The following NDE1 variants were observed in gnomAD, a reference collection of about 807,000 sequenced individuals.
The protein encoded by NDE1 is nudE neurodevelopment protein 1, also known as nuclear distribution protein nudE homolog 1.
Under a neutral mutation model 43.4 loss-of-function variants are expected in NDE1, and 28 were observed. The ratio of observed to expected loss-of-function variants is 0.65; its 90% CI spans 0.48 to 0.89. The LOEUF (loss-of-function observed/expected upper bound fraction) is 0.89, where lower values mean the gene tolerates loss of function less well. Among genes scored for constraint, NDE1 ranks in the 40% least tolerant of loss-of-function variants. NDE1 has a pLI of 0.00. For missense variants in NDE1, 441 were observed against 434.1 expected (o/e 1.02, Z -0.14); for synonymous variants, 184 against 172.0 (o/e 1.07, Z -0.55).
intron 4 of NDE1, 52 bp from the exon 5 acceptor site, chr16:15,687,323 G>A: frequency 1.2e-6 from 2 of 1,613,290 alleles, no homozygotes; most frequent in South Asian, 1.1e-5. Flanking sequence ...CGCGGTGCTG[G>A]AGGGATGCTG....
At chr16:15,668,248 GCTTA>G (rs957614845) in intron 3 of NDE1, among the ~76,000 whole-genome samples, 1 of 152,140 alleles carries the variant, frequency 6.6e-6, no homozygotes, top group African/African-American at 2.4e-5. Context: ...TATAGTCCCA[GCTTA>G]CTTGGGAGGC....
intron 1 of NDE1, among the ~76,000 whole-genome samples, chr16:15,659,022 A>G (rs967081666): frequency 1.3e-5 from 2 of 152,122 alleles, no homozygotes; most frequent in African/African-American, 4.8e-5. Flanking sequence ...TTCCAGAGGG[A>G]TGAGTGGGTC....
chr16:15,670,571 C>CA (rs2037539352), intron 3 of NDE1, among the ~76,000 whole-genome samples: 1 of 151,448 alleles, frequency 6.6e-6, no homozygotes, highest in Admixed American at 6.6e-5. Context: ...GCAGGAGAAT[C>CA]ACTTGAACCC....
intron 8 of NDE1, chr16:15,720,785 G>C (rs1258182247): frequency 6.4e-7 from 1 of 1,555,952 alleles, no homozygotes; most frequent in Non-Finnish European, 8.8e-7. Flanking sequence ...AGTGGTGATA[G>C]GAATGAAAAA....
At chr16:15,646,246 TGTCCAGAAAC>T (rs2036326791), upstream of NDE1, among the ~76,000 whole-genome samples, 1 of 152,212 alleles carries the variant, frequency 6.6e-6, no homozygotes, top group African/African-American at 2.4e-5. Flanking sequence ...GATTAGTTCC[TGTCCAGAAAC>T]GTCACAGAGT....
At chr16:15,709,986 G>T (rs1185378362) in intron 8 of NDE1, among the ~76,000 whole-genome samples, 4 of 152,318 alleles carry the variant, frequency 2.6e-5, no homozygotes, top group Middle Eastern at 6.8e-3. Context: ...TCGCACTACA[G>T]TTCCTTCTTG....
At chr16:15,718,450 G>GCGGCCATGGTGGGGGCCTCTAC in intron 8 of NDE1, 1 of 1,550,458 alleles carries the variant, frequency 6.4e-7, no homozygotes, top group Non-Finnish European at 8.7e-7. Flanking sequence ...TGGGGGAAGG[G>GCGGCCATGGTGGGGGCCTCTAC]CGGCCATGGT....
chr16:15,646,148 C>T (rs764198681), upstream of NDE1, among the ~76,000 whole-genome samples: 1 of 152,142 alleles, frequency 6.6e-6, no homozygotes, highest in African/African-American at 2.4e-5. Flanking sequence ...AAATTGAGAA[C>T]CAACTAGTTT....
At chr16:15,670,229 G>C (rs2037521236) in intron 3 of NDE1, among the ~76,000 whole-genome samples, 1 of 152,154 alleles carries the variant, frequency 6.6e-6, no homozygotes, top group Admixed American at 6.6e-5. Flanking sequence ...AAAACTGTGT[G>C]TGCCCAGGGC....
intron 1 of NDE1, among the ~76,000 whole-genome samples, chr16:15,661,261 G>C (rs1354407856): frequency 2.0e-5 from 3 of 150,814 alleles, no homozygotes; most frequent in Non-Finnish European, 2.9e-5. Flanking sequence ...CCATTCTCCT[G>C]CCTCAGCCTC....
At chr16:15,704,807 ATAT>A (rs1238878346) in intron 8 of NDE1, among the ~76,000 whole-genome samples, 1 of 152,186 alleles carries the variant, frequency 6.6e-6, no homozygotes, top group Non-Finnish European at 1.5e-5. Context: ...TGCCCAGTGA[ATAT>A]TAGAAAAGGA....
At chr16:15,645,372 G>C (rs1178374159), upstream of NDE1, among the ~76,000 whole-genome samples, 1 of 152,142 alleles carries the variant, frequency 6.6e-6, no homozygotes, top group African/African-American at 2.4e-5. Flanking sequence ...GACTCATGTC[G>C]TAATCCCAGC....
chr16:15,721,373 G>T, intron 8 of NDE1: 2 of 1,581,620 alleles, frequency 1.3e-6, no homozygotes, highest in South Asian at 1.1e-5. Context: ...ATAGCACAGA[G>T]GGTGGGCAGG....
At position 15,667,333 on chromosome 16, in the gene NDE1, G is replaced by A. The variant is rs768870724; in HGVS notation, c.131G>A (p.Arg44Gln). ...EELREFQEGS[R>Q]EYEAELETQL... ...CTCCGAGAATTCCAGGAGGGAAGCC[G>A]AGAATATGAAGCTGAATTGGAGACG... The change falls in exon 3 of 9, where the codon CGA becomes CAA. Residue 44 changes from arginine to glutamine, a missense_variant. Coordinates refer to ENST00000396354, the MANE Select transcript of NDE1 (RefSeq NM_017668.3). 8 of 1,614,014 alleles carry A rather than the reference G, an allele frequency of 5.0e-6. No homozygotes were observed. Among genetic ancestry groups the A allele is most frequent in the Admixed American group, 3.3e-5 (2 of 59,970 alleles).
In NDE1 at chr16:15,717,224, G is replaced by C. The variant is rs777194780; in HGVS notation, c.948-6967G>C. The stretch of plus-strand genomic sequence containing the variant: ...GGTGGACTTGAACTTGGACTTGACG[G>C]CCCCCTCCATCTCGTGGAGCTTGCT... On this transcript the variant is annotated intron_variant, in intron 8 of 8. Coordinates refer to ENST00000396354, the MANE Select transcript of NDE1 (RefSeq NM_017668.3). 1 of 1,614,160 alleles carries C rather than the reference G, an allele frequency of 6.2e-7. No individual in the cohort carries two copies. The highest frequency in any genetic ancestry group is 1.1e-5 in the South Asian group (1 of 91,084).
chr16:15,719,491 C>G, intron 8 of NDE1: 3 of 1,589,272 alleles, frequency 1.9e-6, no homozygotes, highest in Non-Finnish European at 2.6e-6. Flanking sequence ...CAGAGGAGGA[C>G]GAAATGAAAT....
At position 15,726,183 on chromosome 16, in the gene NDE1, A is replaced by G. The variant is rs2040745990; in HGVS notation, c.*1932A>G. On this transcript the variant is annotated 3_prime_UTR_variant, in exon 9 of 9. Transcript: ENST00000396354. The stretch of plus-strand genomic sequence containing the variant: ...CCTTCCCTTTGCTGCATCATTTGAC[A>G]TTCATTTGTGTGATTATTCATGTCT... The G allele has an allele frequency of 6.4e-6, 1 of 155,110 alleles. No individual in the cohort carries two copies. Among genetic ancestry groups the G allele is most frequent in the East Asian group, 1.9e-4 (1 of 5,256 alleles). 9.6% of individuals were successfully genotyped at this position (155,110 alleles called of 1,614,324 possible). A position where few individuals can be genotyped will look rare whatever the true frequency, so the allele number is the denominator to read the frequency against.
intron 8 of NDE1, among the ~76,000 whole-genome samples, chr16:15,709,401 A>G (rs2039653806): frequency 6.7e-6 from 1 of 149,196 alleles, no homozygotes; most frequent in African/African-American, 2.5e-5. Context: ...TGCAACCTCC[A>G]CCTCCCGGGT....
At chr16:15,696,993 T>A in intron 8 of NDE1, 133 bp downstream of exon 8, 1 of 1,537,528 alleles carries the variant, frequency 6.5e-7, no homozygotes, top group Non-Finnish European at 8.7e-7. Flanking sequence ...TATCCTCTCC[T>A]CTGCTCCCTG....
Sources: gnomAD v4.1 joint callset for allele counts (sites outside exome capture counted in the v4.1 genomes callset) on GRCh38, gnomAD v4.1.1 for gene constraint, MANE v1.5 for transcripts, NCBI Gene and HGNC (gene_info 2026-07-23, HGNC 2026-07-21) for gene names.